The following PREX1 variants were observed in gnomAD, a reference collection of about 807,000 sequenced individuals.
PREX1 encodes phosphatidylinositol 3,4,5-trisphosphate-dependent Rac exchanger 1 protein.
A neutral mutation model predicts 198.3 loss-of-function variants in PREX1; 41 were observed. The ratio of observed to expected loss-of-function variants is 0.21; its 90% CI spans 0.16 to 0.27. The LOEUF is 0.27. Ranked by LOEUF, PREX1 falls within the 10% of genes least tolerant of loss-of-function variation. The pLI is 1.00. For synonymous variants in PREX1, 843 were observed against 887.2 expected (o/e 0.95, Z 0.89); for missense variants, 1,620 against 2,200.7 (o/e 0.74, Z 5.28).
In PREX1 at chr20:48,657,055, G is replaced by A; in HGVS notation, c.2108C>T (p.Ala703Val). The change falls in exon 18 of 40, where the codon GCC (alanine) becomes GTC (valine). Residue 703 changes from alanine (A) to valine (V), a missense_variant. This residue lies in a region of PREX1 where 514 missense variants were observed against 611.6 expected (regional missense o/e 0.84). Coordinates refer to ENST00000371941, the MANE Select transcript of PREX1 (RefSeq NM_020820.4). ...CSRRPLRLLV[A>V]TKAKEIIKIP... ...GGACACTCACTCTTTGGCCTTCGTG[G>A]CCACCAGGAGGCGCAGAGGGCGGCG... 6.3e-7 allele frequency: 1 copy of A among 1,597,534 alleles called. No individual in the cohort carries two copies. Among genetic ancestry groups the A allele is most frequent in the Non-Finnish European group, 8.5e-7 (1 of 1,171,300 alleles).
At position 48,688,942 on chromosome 20, in the gene PREX1, G is replaced by A. The variant is rs1404671449; in HGVS notation, c.1187-138C>T. 28 of 968,250 alleles carry A rather than the reference G, an allele frequency of 2.9e-5. No individual in the cohort carries two copies. In the Middle Eastern group the frequency reaches 9.4e-4, roughly 32 times the overall value. The allele number at this position is 968,250 out of a possible 1,614,324, so 60.0% of individuals were successfully genotyped here. A position where few individuals can be genotyped will look rare whatever the true frequency, so the allele number is the denominator to read the frequency against. ...ACCACCTGCCCTCCACCACCACCACGCCAGCAGCAGCTAGAGGGCACTGAC... is the reference window on the plus strand; with the variant it reads ...ACCACCTGCCCTCCACCACCACCACACCAGCAGCAGCTAGAGGGCACTGAC... On this transcript the variant is annotated intron_variant, in intron 9 of 39. Coordinates refer to ENST00000371941, the MANE Select transcript of PREX1 (RefSeq NM_020820.4).
intron 33 of PREX1, 47 bp downstream of exon 33, chr20:48,634,629 C>A: frequency 6.3e-7 from 1 of 1,592,714 alleles, no homozygotes; most frequent in Non-Finnish European, 8.6e-7. Context: ...GTCCCTTCCA[C>A]CCCAGGACCC....
At chr20:48,656,908 C>T in intron 18 of PREX1, 132 bp downstream of exon 18, 1 of 1,227,212 alleles carries the variant, frequency 8.1e-7, no homozygotes, top group Admixed American at 2.7e-5. Context: ...AATGAAGGTC[C>T]AGCTTGTGTT....
At chr20:48,788,881 G>A (rs1003315693) in intron 1 of PREX1, among the ~76,000 whole-genome samples, 2 of 152,156 alleles carry the variant, frequency 1.3e-5, no homozygotes, top group South Asian at 4.1e-4. Flanking sequence ...CTGAGCTGGC[G>A]TGTTAGTGTG....
intron 5 of PREX1, among the ~76,000 whole-genome samples, chr20:48,715,468 G>A (rs945328540): frequency 1.3e-5 from 2 of 152,182 alleles, no homozygotes; most frequent in African/African-American, 4.8e-5. Flanking sequence ...GTGGTCAAGA[G>A]AATGGGTGCT....
intron 14 of PREX1, among the ~76,000 whole-genome samples, chr20:48,672,824 G>A (rs924728991): frequency 3.9e-5 from 6 of 152,034 alleles, no homozygotes; most frequent in South Asian, 2.1e-4. Context: ...CCCTGCCCCC[G>A]CTCCCACACC....
chr20:48,789,286 C>T (rs956160508), intron 1 of PREX1, among the ~76,000 whole-genome samples: 1 of 152,206 alleles, frequency 6.6e-6, no homozygotes, highest in African/African-American at 2.4e-5. Flanking sequence ...ACATCTCCAT[C>T]CACCTTCATC....
At chr20:48,825,059 C>T (rs534217418) in intron 1 of PREX1, among the ~76,000 whole-genome samples, 12 of 152,312 alleles carry the variant, frequency 7.9e-5, no homozygotes, top group African/African-American at 1.9e-4. Flanking sequence ...AGAAGAGAAT[C>T]ACAACCTGAG....
In PREX1 at chr20:48,733,145, G is replaced by A. The variant is rs189923929; in HGVS notation, c.519+1401C>T. Among the ~76,000 whole-genome samples, 10 of 152,316 alleles carry A rather than the reference G, an allele frequency of 6.6e-5. No individual in the cohort carries two copies. The East Asian group carries it at 1.4e-3, about 21-fold the overall frequency. Reference sequence around the variant, plus strand: ...CAAAGGAGGTCACAAATGACAATCCGTTTTATACATAAGTGAGGCTCTCTA... The same window carrying A: ...CAAAGGAGGTCACAAATGACAATCCATTTTATACATAAGTGAGGCTCTCTA... On this transcript the variant is annotated intron_variant, in intron 4 of 39. Coordinates refer to ENST00000371941, the MANE Select transcript of PREX1 (RefSeq NM_020820.4).
At chr20:48,693,898 G>A (rs929294141) in intron 7 of PREX1, among the ~76,000 whole-genome samples, 1 of 147,294 alleles carries the variant, frequency 6.8e-6, no homozygotes, top group African/African-American at 2.5e-5. Context: ...GTGAGCCACC[G>A]TGCCGGCCTT....
chr20:48,815,642 G>A (rs1047460312), intron 1 of PREX1, among the ~76,000 whole-genome samples: 11 of 152,170 alleles, frequency 7.2e-5, no homozygotes, highest in Non-Finnish European at 1.2e-4. Flanking sequence ...CCTAGGTAAC[G>A]GGGGTACCAG....
At chr20:48,786,196 T>C (rs1265978158) in intron 1 of PREX1, among the ~76,000 whole-genome samples, 1 of 150,788 alleles carries the variant, frequency 6.6e-6, no homozygotes, top group African/African-American at 2.4e-5. Context: ...GGAGGGGTCC[T>C]GGTGGCATGC....
intron 3 of PREX1, among the ~76,000 whole-genome samples, chr20:48,737,595 C>A (rs6066832): frequency 0.071 from 10,837 of 152,250 alleles, 483 homozygotes; most frequent in South Asian, 0.18. Flanking sequence ...GGTCCCACCC[C>A]ACCCCAGGGA....
intron 5 of PREX1, among the ~76,000 whole-genome samples, chr20:48,719,635 T>C (rs538964940): frequency 3.9e-5 from 6 of 152,190 alleles, no homozygotes; most frequent in South Asian, 4.1e-4. Flanking sequence ...TCCAGAATAA[T>C]AGAAGGACTC....
At chr20:48,773,010 T>C (rs999720760) in intron 1 of PREX1, among the ~76,000 whole-genome samples, 6 of 152,192 alleles carry the variant, frequency 3.9e-5, no homozygotes, top group Non-Finnish European at 8.8e-5. Flanking sequence ...CTCATGCCTG[T>C]AATCCCAGCA....
At chr20:48,700,505 T>C (rs2089868218) in intron 7 of PREX1, among the ~76,000 whole-genome samples, 1 of 152,208 alleles carries the variant, frequency 6.6e-6, no homozygotes. Flanking sequence ...TATTTGGGGA[T>C]CTATTAGGTT....
rs73120684 is a variant in PREX1 at position 48,781,658 on chromosome 20, C to T, written c.220-33778G>A. Among the ~76,000 whole-genome samples, 932 of 152,260 alleles carry T rather than the reference C, an allele frequency of 6.1e-3. 3 individuals are homozygous for T. Among genetic ancestry groups the T allele is most frequent in the Non-Finnish European group, 8.4e-3 (572 of 68,018 alleles). ...CACCAAGAGTCTATAGCTAGAAAAGCACACAGCCTGGTTTGAACCCAGGCC... is the reference window on the plus strand; with the variant it reads ...CACCAAGAGTCTATAGCTAGAAAAGTACACAGCCTGGTTTGAACCCAGGCC... On this transcript the variant is annotated intron_variant, in intron 1 of 39. Coordinates refer to ENST00000371941, the MANE Select transcript of PREX1 (RefSeq NM_020820.4).
At position 48,812,044 on chromosome 20, in the gene PREX1, G is replaced by A. The variant is rs954333816; in HGVS notation, c.219+15598C>T. 2.0e-5 allele frequency among the ~76,000 whole-genome samples: 3 copies of A among 152,324 alleles called. 1 individual carries two copies. Among genetic ancestry groups the A allele is most frequent in the Admixed American group, 2.0e-4 (3 of 15,300 alleles). On this transcript the variant is annotated intron_variant, in intron 1 of 39. Coordinates refer to ENST00000371941, the MANE Select transcript of PREX1 (RefSeq NM_020820.4). ...GATGATTGGATGAGATGATGTCTCAGTGTCTTCCAGCTCCAACAGCCGGTT... is the reference window on the plus strand; with the variant it reads ...GATGATTGGATGAGATGATGTCTCAATGTCTTCCAGCTCCAACAGCCGGTT...
intron 1 of PREX1, among the ~76,000 whole-genome samples, chr20:48,774,937 G>A (rs1417575580): frequency 6.6e-6 from 1 of 152,254 alleles, no homozygotes; most frequent in East Asian, 1.9e-4. Context: ...GCGTTAAATG[G>A]CTCTGCAGGG....
Sources: gnomAD v4.1 joint callset for allele counts (sites outside exome capture counted in the v4.1 genomes callset) on GRCh38, gnomAD v4.1.1 for gene constraint, gnomAD v4.1.1 regional missense constraint, MANE v1.5 for transcripts, NCBI Gene and HGNC (gene_info 2026-07-23, HGNC 2026-07-21) for gene names.